FGL2: variants seen among roughly 807,000 people sequenced by gnomAD.
The protein encoded by FGL2 is fibroleukin.
Under a neutral mutation model 36.0 loss-of-function variants are expected in FGL2, and 21 were observed. The observed-to-expected ratio is 0.58, with a 90% CI of 0.41 to 0.84. FGL2 has a LOEUF of 0.84. FGL2 is among the 40% of genes least tolerant of loss of function. FGL2 has a pLI of 0.00. For synonymous variants in FGL2, 183 were observed against 190.7 expected (o/e 0.96, Z 0.33); for missense variants, 444 against 526.3 (o/e 0.84, Z 1.53).
Position 77,196,567 on chromosome 7 carries a change from A to G in FGL2, c.1032T>C (p.Arg344=). The change falls in exon 2 of 2, where the codon CGT becomes CGC. Residue 344 remains arginine, a synonymous_variant. Transcript: ENST00000248598. This position sits in a 1 kb window ranked among gnomAD's most constrained non-coding sequence, Gnocchi z 4.2. ...NYNGTAGDAL[R]FNKHYNHDLK... The stretch of plus-strand genomic sequence containing the variant: ...GATCGTGGTTGTAATGTTTGTTGAA[A>G]CGTAATGCATCTCCAGCTGTGCCAT... 6.2e-7 allele frequency: 1 copy of G among 1,614,140 alleles called. No individual in the cohort carries two copies. The highest frequency in any genetic ancestry group is 8.5e-7 in the Non-Finnish European group (1 of 1,180,008).
At chr7:77,198,875 G>T in intron 1 of FGL2, 1 of 425,698 alleles carries the variant, frequency 2.3e-6, no homozygotes, top group East Asian at 3.8e-5. Flanking sequence ...GAAGAGACAA[G>T]TTAAATGCAC....
chr7:77,198,989 T>C, intron 1 of FGL2, 192 bp downstream of exon 1: 1 of 598,020 alleles, frequency 1.7e-6, no homozygotes, highest in East Asian at 2.8e-5. Flanking sequence ...CAGAACTAAC[T>C]ATGATTTTTG....
intron 1 of FGL2, chr7:77,198,171 G>A: frequency 1.0e-6 from 1 of 985,440 alleles, no homozygotes; most frequent in Non-Finnish European, 1.2e-6. Flanking sequence ...TTCAGATGCA[G>A]GCTGCCAGGA....
In FGL2 at chr7:77,196,416, G is replaced by A; in HGVS notation, c.1183C>T (p.His395Tyr). ...LSANLNGKYY[H>Y]QKYRGVRNGI... ...TTACGGACACCTCTGTATTTTTGGT[G>A]ATAATATTTGCCATTTAAGTTTGCA... The change falls in exon 2 of 2, where the codon CAC becomes TAC. Residue 395 changes from histidine (H) to tyrosine (Y), a missense_variant. Transcript: ENST00000248598. The surrounding 1 kb of genome is among the most constrained non-coding windows in gnomAD (Gnocchi z 4.2). 5 of 1,614,106 alleles carry A rather than the reference G, an allele frequency of 3.1e-6. No homozygotes were observed. The highest frequency in any genetic ancestry group is 4.2e-6 in the Non-Finnish European group (5 of 1,179,996).
chr7:77,197,467 G>A (rs1274792677), intron 1 of FGL2, among the ~76,000 whole-genome samples: 1 of 152,208 alleles, frequency 6.6e-6, no homozygotes, highest in Non-Finnish European at 1.5e-5. Context: ...CACTAACTCA[G>A]ATCTGGCTGG....
At chr7:77,197,512 T>C (rs1791896933) in intron 1 of FGL2, among the ~76,000 whole-genome samples, 1 of 152,228 alleles carries the variant, frequency 6.6e-6, no homozygotes, top group South Asian at 2.1e-4. Context: ...ATTGCATCCC[T>C]TGGTCCTAAA....
chr7:77,195,984 A>G lies in FGL2; in HGVS notation c.*295T>C. ...CAATTATTTTTTAAATACAGCAAGT[A>G]ATACAAGCAATAGAAAAAGTTTCAA... On this transcript the variant is annotated 3_prime_UTR_variant, in exon 2 of 2. Transcript: ENST00000248598. The G allele has an allele frequency of 3.2e-6, 1 of 309,384 alleles. No individual in the cohort carries two copies. The highest frequency in any genetic ancestry group is 6.0e-5 in the East Asian group (1 of 16,666). 19.2% of individuals were successfully genotyped at this position (309,384 alleles called of 1,614,324 possible).
rs779921155 is a variant in FGL2 at position 77,199,340 on chromosome 7, T to TG, written c.453dup (p.Asn152GlnfsTer23). ...TTCTCCAGGCGACCATGAAGTACATTGATCTCCTCTTTGGCATTCTTTAGC... is the reference window on the plus strand; with the variant it reads ...TTCTCCAGGCGACCATGAAGTACATTGGATCTCCTCTTTGGCATTCTTTAGC... On this transcript the variant is annotated frameshift_variant, in exon 1 of 2. Coordinates refer to ENST00000248598, the MANE Select transcript of FGL2 (RefSeq NM_006682.3). LOFTEE classifies it high-confidence loss of function. 70 of 1,614,092 alleles carry TG rather than the reference T, an allele frequency of 4.3e-5. 1 individual carries two copies. The East Asian group carries it at 1.6e-3, about 36-fold the overall frequency.
chr7:77,199,343 T>G lies in FGL2; in HGVS notation c.451A>C (p.Ile151Leu). 1 of 1,614,124 alleles carries G rather than the reference T, an allele frequency of 6.2e-7. No individual in the cohort carries two copies. Among genetic ancestry groups the G allele is most frequent in the South Asian group, 1.1e-5 (1 of 91,090 alleles). ...TCCAGGCGACCATGAAGTACATTGA[T>G]CTCCTCTTTGGCATTCTTTAGCTCA... ...SSELKNAKEE[I>L]NVLHGRLEKL... is the part of the protein sequence containing the mutation. The change falls in exon 1 of 2, where the codon ATC becomes CTC. Residue 151 changes from isoleucine to leucine, a missense_variant. Physicochemically the swap from Ile to Leu is conservative, Grantham distance 5. Coordinates refer to ENST00000248598, the MANE Select transcript of FGL2 (RefSeq NM_006682.3).
rs1791918679 is a variant in FGL2, at chr7:77,198,500, T to G, written c.613+681A>C. On this transcript the variant is annotated intron_variant, in intron 1 of 1. Coordinates refer to ENST00000248598, the MANE Select transcript of FGL2 (RefSeq NM_006682.3). ...TATTTATTAAAGTTAATTCAAGTAA[T>G]TTGGATGGTGAGGATGGGTTCTACT... The G allele has an allele frequency of 1.8e-5, 3 of 163,382 alleles. No individual in the cohort carries two copies. In the Admixed American group the frequency reaches 2.0e-4, roughly 11 times the overall value. 10.1% of individuals were successfully genotyped at this position (163,382 alleles called of 1,614,324 possible). A position where few individuals can be genotyped will look rare whatever the true frequency, so the allele number is the denominator to read the frequency against.
In FGL2 at chr7:77,194,309, T is replaced by C. The variant is rs1791824292; in HGVS notation, c.*1970A>G. ...AATGACCTTATCTGAAACAAATACA[T>C]TGTATAATATCAAAACGTTTTTAGT... On this transcript the variant is annotated 3_prime_UTR_variant, in exon 2 of 2. Transcript: ENST00000248598. 1 of 152,068 alleles carries C rather than the reference T, an allele frequency of 6.6e-6. No homozygotes were observed. Among genetic ancestry groups the C allele is most frequent in the African/African-American group, 2.4e-5 (1 of 41,452 alleles). The allele number at this position is 152,068 out of a possible 1,614,324, so 9.4% of individuals were successfully genotyped here. A position where few individuals can be genotyped will look rare whatever the true frequency, so the allele number is the denominator to read the frequency against.
In FGL2 at chr7:77,196,575, C is replaced by A. The variant is rs1205279053; in HGVS notation, c.1024G>T (p.Ala342Ser). The change falls in exon 2 of 2, where the codon GCA becomes TCA. Residue 342 changes from alanine to serine, a missense_variant. Transcript: ENST00000248598. This position sits in a 1 kb window ranked among gnomAD's most constrained non-coding sequence, Gnocchi z 4.2. ...TTGTAATGTTTGTTGAAACGTAATG[C>A]ATCTCCAGCTGTGCCATTATAGTTA... Reference protein sequence around the residue: ...VGNYNGTAGDALRFNKHYNHD... With the variant: ...VGNYNGTAGDSLRFNKHYNHD... 6.2e-7 allele frequency: 1 copy of A among 1,614,124 alleles called. No homozygotes were observed. Among genetic ancestry groups the A allele is most frequent in the Admixed American group, 1.7e-5 (1 of 60,026 alleles).
At chr7:77,197,641 T>C (rs1019934733) in intron 1 of FGL2, among the ~76,000 whole-genome samples, 1 of 152,248 alleles carries the variant, frequency 6.6e-6, no homozygotes. Context: ...TTTTATAGCA[T>C]ATATTCCAAA....
chr7:77,197,497 T>C (rs1791896734), intron 1 of FGL2, among the ~76,000 whole-genome samples: 1 of 152,232 alleles, frequency 6.6e-6, no homozygotes, highest in Non-Finnish European at 1.5e-5. Flanking sequence ...TTTGTTCTCG[T>C]AATCATTGCA....
At position 77,199,470 on chromosome 7, in the gene FGL2, G is replaced by T. The variant is rs760181116; in HGVS notation, c.324C>A (p.Asp108Glu). 6.8e-6 allele frequency: 11 copies of T among 1,614,050 alleles called. No individual in the cohort carries two copies. In the South Asian group the frequency reaches 1.1e-4, roughly 16 times the overall value. Residue 108 changes from aspartate to glutamate, a missense_variant, in exon 1 of 2, where the codon GAC becomes GAA. Asp to Glu is a conservative substitution (Grantham distance 45). Transcript: ENST00000248598. Reference sequence around the variant, plus strand: ...GTAACAACAGTCCGTTTCTGCCTGGGTCTCCGTTGTCATCAGCCTGCAGCT... The same window carrying T: ...GTAACAACAGTCCGTTTCTGCCTGGTTCTCCGTTGTCATCAGCCTGCAGCT... ...DCKLQADDNG[D>E]PGRNGLLLPS...
chr7:77,199,337 C>CA lies in FGL2; in HGVS notation c.456dup (p.Val153CysfsTer22). 2 of 1,614,094 alleles carry CA rather than the reference C, an allele frequency of 1.2e-6. No homozygotes were observed. The highest frequency in any genetic ancestry group is 1.7e-6 in the Non-Finnish European group (2 of 1,179,992). On this transcript the variant is annotated frameshift_variant, in exon 1 of 2. Transcript: ENST00000248598. LOFTEE classifies it high-confidence loss of function. ...AGCTTCTCCAGGCGACCATGAAGTA[C>CA]ATTGATCTCCTCTTTGGCATTCTTT...
At chr7:77,197,359 G>T (rs922231402) in intron 1 of FGL2, among the ~76,000 whole-genome samples, 2 of 152,236 alleles carry the variant, frequency 1.3e-5, no homozygotes, top group Non-Finnish European at 2.9e-5. Flanking sequence ...TTGACCTTAT[G>T]ATGTAGGCGT....
Position 77,196,216 on chromosome 7 carries a change from A to G in FGL2, c.*63T>C. ...AAAATATGAAACAAGGCATATTCTA[A>G]AGTGCTGAAGGAATTAATTGCCCTA... On this transcript the variant is annotated 3_prime_UTR_variant, in exon 2 of 2. Coordinates refer to ENST00000248598, the MANE Select transcript of FGL2 (RefSeq NM_006682.3). The surrounding 1 kb of genome is among the most constrained non-coding windows in gnomAD (Gnocchi z 4.2). The G allele has an allele frequency of 8.3e-7, 1 of 1,211,606 alleles. No homozygotes were observed. The highest frequency in any genetic ancestry group is 1.2e-6 in the Non-Finnish European group (1 of 859,074). 75.1% of individuals were successfully genotyped at this position (1,211,606 alleles called of 1,614,324 possible).
intron 1 of FGL2, chr7:77,198,449 C>T (rs547579710): frequency 4.5e-5 from 11 of 243,102 alleles, no homozygotes; most frequent in South Asian, 1.6e-4. Context: ...GTGGAGTAGG[C>T]GATTAAGTCT....
Sources: gnomAD v4.1 joint callset for allele counts (sites outside exome capture counted in the v4.1 genomes callset) on GRCh38, gnomAD v4.1.1 for gene constraint, Gnocchi (gnomAD v3.1) non-coding constraint, MANE v1.5 for transcripts, NCBI Gene and HGNC (gene_info 2026-07-23, HGNC 2026-07-21) for gene names.